Variants in DLG2 observed in about 807,000 individuals in gnomAD.
DLG2 encodes the protein discs large MAGUK scaffold protein 2.
In DLG2, 45 loss-of-function variants were observed where a neutral mutation model predicts 132.5. The observed-to-expected ratio is 0.34, with a 90% confidence interval of 0.27 to 0.44. The LOEUF (loss-of-function observed/expected upper bound fraction) is 0.44, where lower values mean the gene tolerates loss of function less well. Ranked by LOEUF, DLG2 falls within the 20% of genes least tolerant of loss-of-function variation. The pLI is 1.00. For missense variants in DLG2, 1,045 were observed against 1,196.9 expected, an observed-to-expected ratio of 0.87 and a Z score of 1.87; for synonymous variants, 424 against 419.6, an observed-to-expected ratio of 1.01 and a Z score of -0.13.
rs180884514 is a variant in DLG2, at chr11:84,405,168, T to G, written c.519+129402A>C. Among the ~76,000 whole-genome samples, 20 of 152,342 alleles carry G rather than the reference T, an allele frequency of 1.3e-4. No individual in the cohort carries two copies. In the East Asian group the frequency reaches 3.1e-3, roughly 23 times the overall value. ...AAAGAAACAATTGTTTCAATATCTTTCAATTACAAAAAGAGATCAAAATAT... is the reference window on the plus strand; with the variant it reads ...AAAGAAACAATTGTTTCAATATCTTGCAATTACAAAAAGAGATCAAAATAT... On this transcript the variant is annotated intron_variant, in intron 7 of 27. Transcript: ENST00000376104.
intron 7 of DLG2, among the ~76,000 whole-genome samples, chr11:84,440,045 G>C (rs116014549): frequency 2.0e-4 from 30 of 152,232 alleles, no homozygotes; most frequent in African/African-American, 7.2e-4. Context: ...CTAAGGCTTG[G>C]AGAGATCTTT....
intron 3 of DLG2, among the ~76,000 whole-genome samples, chr11:85,387,735 TC>T (rs1043471667): frequency 6.6e-6 from 1 of 152,214 alleles, no homozygotes; most frequent in African/African-American, 2.4e-5. Context: ...GAGGGACATA[TC>T]ACTCTGAGTC....
At chr11:84,778,611 A>G (rs879631262) in intron 6 of DLG2, among the ~76,000 whole-genome samples, 4 of 152,124 alleles carry the variant, frequency 2.6e-5, no homozygotes, top group Non-Finnish European at 4.4e-5. Context: ...GTTATCTACA[A>G]TTTATTTCAT....
At chr11:84,517,057 C>T (rs1223378275) in intron 7 of DLG2, among the ~76,000 whole-genome samples, 1 of 70,806 alleles carries the variant, frequency 1.4e-5, no homozygotes, top group African/African-American at 3.7e-5. Flanking sequence ...ATATTCTATC[C>T]TAAAAAAAAA....
At chr11:84,114,567 G>T (rs2093535379) in intron 9 of DLG2, among the ~76,000 whole-genome samples, 1 of 152,252 alleles carries the variant, frequency 6.6e-6, no homozygotes, top group South Asian at 2.1e-4. Context: ...CTCAGAACAT[G>T]CTATAAGGAA....
rs1041880650 is a variant in DLG2 at position 85,273,570 on chromosome 11, A to G, written c.186+11650T>C. Among the ~76,000 whole-genome samples the G allele has an allele frequency of 2.0e-5, 3 of 152,250 alleles. No homozygotes were observed. In the East Asian group the frequency reaches 5.8e-4, roughly 29 times the overall value. ...CCACAATGAGATACCATCTCACACC[A>G]GTTAGATTGCTGATCATTAAAAAGT... On this transcript the variant is annotated intron_variant, in intron 4 of 27. Coordinates refer to ENST00000376104, the MANE Select transcript of DLG2 (RefSeq NM_001142699.3).
At chr11:85,177,479 A>C (rs1474742539) in intron 4 of DLG2, among the ~76,000 whole-genome samples, 10 of 152,074 alleles carry the variant, frequency 6.6e-5, no homozygotes. Flanking sequence ...ATGAGAACAC[A>C]TGGACACATG....
chr11:84,234,304 T>C (rs1312228233), intron 8 of DLG2, among the ~76,000 whole-genome samples: 1 of 152,218 alleles, frequency 6.6e-6, no homozygotes, highest in Non-Finnish European at 1.5e-5. Flanking sequence ...TAAAGCTTTT[T>C]AATAAACTTT....
chr11:84,985,694 T>A (rs2056382251), intron 6 of DLG2, among the ~76,000 whole-genome samples: 1 of 152,040 alleles, frequency 6.6e-6, no homozygotes, highest in South Asian at 2.1e-4. Context: ...AAAAGCAGGT[T>A]CTTTGAAAAG....
intron 9 of DLG2, among the ~76,000 whole-genome samples, chr11:84,133,928 G>C (rs1321782507): frequency 6.6e-6 from 1 of 151,990 alleles, no homozygotes; most frequent in Non-Finnish European, 1.5e-5. Flanking sequence ...TTCTTCATTT[G>C]CCAAAATCCG....
intron 21 of DLG2, among the ~76,000 whole-genome samples, chr11:83,500,655 T>A (rs2094413762): frequency 7.0e-6 from 1 of 142,994 alleles, no homozygotes; most frequent in South Asian, 2.2e-4. Flanking sequence ...TTCATTTATT[T>A]ATTTATTTTA....
chr11:83,475,951 T>A (rs148322573), intron 22 of DLG2, among the ~76,000 whole-genome samples: 83 of 152,210 alleles, frequency 5.5e-4, no homozygotes, highest in African/African-American at 1.9e-3. Flanking sequence ...TGTCAGCAGC[T>A]GCCAGAGACT....
chr11:83,654,653 A>G (rs73507197), intron 18 of DLG2, among the ~76,000 whole-genome samples: 10,823 of 152,216 alleles, frequency 0.071, 1,317 homozygotes, highest in African/African-American at 0.24. Context: ...CTCTAGAAGG[A>G]TAGGAGACAC....
intron 3 of DLG2, among the ~76,000 whole-genome samples, chr11:85,295,647 T>C (rs1005506680): frequency 1.3e-4 from 20 of 152,166 alleles, no homozygotes; most frequent in African/African-American, 4.8e-4. Context: ...TAGGGGTTAA[T>C]TAAATAATAT....
chr11:84,837,461 C>T (rs924716332), intron 6 of DLG2, among the ~76,000 whole-genome samples: 1 of 151,706 alleles, frequency 6.6e-6, no homozygotes, highest in African/African-American at 2.4e-5. Flanking sequence ...CCTGGCAACC[C>T]CTGCCCATTC....
rs574492445 is a variant in DLG2 at position 85,176,287 on chromosome 11, T to C, written c.187-21636A>G. The stretch of plus-strand genomic sequence containing the variant: ...AGACACCTAGAGCAATGGAACAGAA[T>C]AGAGAACTCAGAAATAAGACGGCAC... On this transcript the variant is annotated intron_variant, in intron 4 of 27. Coordinates refer to ENST00000376104, the MANE Select transcript of DLG2 (RefSeq NM_001142699.3). Among the ~76,000 whole-genome samples the C allele has an allele frequency of 2.3e-4, 35 of 152,178 alleles. 2 individuals are homozygous for C. The highest frequency in any genetic ancestry group is 8.4e-4 in the African/African-American group (35 of 41,542).
intron 7 of DLG2, among the ~76,000 whole-genome samples, chr11:84,525,876 C>T (rs1351990578): frequency 2.6e-5 from 4 of 152,144 alleles, no homozygotes. Flanking sequence ...CTTTTCCATA[C>T]TGTTACACAA....
intron 6 of DLG2, among the ~76,000 whole-genome samples, chr11:84,886,873 G>T (rs1453573075): frequency 6.6e-6 from 1 of 152,164 alleles, no homozygotes; most frequent in East Asian, 1.9e-4. Flanking sequence ...ATTTTAAACT[G>T]CAGGTTGCAT....
chr11:84,957,108 T>C (rs981206699), intron 6 of DLG2, among the ~76,000 whole-genome samples: 1 of 152,152 alleles, frequency 6.6e-6, no homozygotes, highest in African/African-American at 2.4e-5. Flanking sequence ...AGGGGAGAGA[T>C]ACAACTATGA....
Sources: gnomAD v4.1 joint callset for allele counts (sites outside exome capture counted in the v4.1 genomes callset) on GRCh38, gnomAD v4.1.1 for gene constraint, MANE v1.5 for transcripts, NCBI Gene and HGNC (gene_info 2026-07-23, HGNC 2026-07-21) for gene names.